The following TRRAP variants were observed in gnomAD, a reference collection of about 807,000 sequenced individuals.
TRRAP encodes transformation/transcription domain-associated protein.
TRRAP carries 41 observed loss-of-function variants against 438.8 expected under a neutral mutation model. That is an observed-to-expected ratio of 0.09 (90% confidence interval 0.07 to 0.12). The LOEUF (loss-of-function observed/expected upper bound fraction) is 0.12. Among genes scored for constraint, TRRAP ranks in the 10% least tolerant of loss-of-function variants. The probability of loss-of-function intolerance (pLI) is 1.00; values close to 1 mark genes in which losing one functional copy is unlikely to be tolerated. For missense variants in TRRAP, 3,122 were observed against 5,055.1 expected (o/e 0.62, Z 11.60); for synonymous variants, 1,994 against 1,962.9 (o/e 1.02, Z -0.42).
chr7:98,937,056 C>T, intron 28 of TRRAP, 100 bp from the exon 29 acceptor site: 1 of 1,390,306 alleles, frequency 7.2e-7, no homozygotes, highest in South Asian at 1.5e-5. Flanking sequence ...AGCAAGACAC[C>T]TTCTCTACCA....
chr7:98,892,563 G>A lies in TRRAP; in HGVS notation c.366+35G>A, dbSNP rs781864845. The A allele has an allele frequency of 3.7e-5, 55 of 1,491,240 alleles. No homozygotes were observed. The Middle Eastern group carries it at 9.6e-4, about 26-fold the overall frequency. The allele number at this position is 1,491,240 out of a possible 1,614,324, so 92.4% of individuals were successfully genotyped here. On this transcript the variant is annotated intron_variant, in intron 5 of 72. Transcript: ENST00000456197. ...GAGAATTAATTCTTGTCGTATAGCC[G>A]TATGTAAAACTTTCACTGATTTTTC... is the stretch of plus-strand genomic sequence containing the variant.
chr7:98,992,086 C>T, intron 64 of TRRAP, 51 bp from the exon 65 acceptor site: 1 of 1,580,612 alleles, frequency 6.3e-7, no homozygotes, highest in South Asian at 1.1e-5. Flanking sequence ...TTATCTTTAT[C>T]CAGAGCTCAG....
At chr7:98,935,416 G>C (rs1406234342) in intron 27 of TRRAP, among the ~76,000 whole-genome samples, 163 bp from the exon 28 acceptor site, 2 of 152,200 alleles carry the variant, frequency 1.3e-5, no homozygotes, top group Non-Finnish European at 2.9e-5. Context: ...CCTTAAAGAG[G>C]CTCAGTCATA....
rs1369356487 is a variant in TRRAP at position 98,925,039 on chromosome 7, T to C, written c.2824-73T>C. The C allele has an allele frequency of 3.9e-6, 6 of 1,531,052 alleles. No homozygotes were observed. The African/African-American group carries it at 4.2e-5, about 11-fold the overall frequency. The allele number at this position is 1,531,052 out of a possible 1,614,324, so 94.8% of individuals were successfully genotyped here. ...AAAAGATTCTTCTGGGTGCTGCAGA[T>C]GCTTTCAGTGAAAGCTTTTCACAAT... On this transcript the variant is annotated intron_variant, in intron 21 of 72. Transcript: ENST00000456197.
intron 59 of TRRAP, among the ~76,000 whole-genome samples, chr7:98,982,499 C>T (rs758326649): frequency 2.0e-5 from 3 of 152,172 alleles, no homozygotes; most frequent in Admixed American, 2.0e-4. Context: ...CCTGAGACAG[C>T]GGGCATAGCC....
chr7:98,930,713 G>A lies in TRRAP; in HGVS notation c.3474G>A (p.Leu1158=). ...CCYEQAWYAK[L]GGVVSIKFLM... is the part of the protein sequence containing the mutation. ...ATGAACAGGCGTGGTATGCAAAGCT[G>A]GGGGGTGTGGTGTCTATTAAGTTTC... The change falls in exon 25 of 73, where the codon CTG becomes CTA. Residue 1158 remains leucine (L), a synonymous_variant. Coordinates refer to ENST00000456197, the MANE Select transcript of TRRAP (RefSeq NM_001375524.1). 1 of 1,614,226 alleles carries A rather than the reference G, an allele frequency of 6.2e-7. No homozygotes were observed. Among genetic ancestry groups the A allele is most frequent in the Non-Finnish European group, 8.5e-7 (1 of 1,180,048 alleles).
intron 23 of TRRAP, 54 bp from the exon 24 acceptor site, chr7:98,929,934 TC>T: frequency 5.1e-6 from 8 of 1,568,676 alleles, no homozygotes; most frequent in Non-Finnish European, 7.0e-6. Context: ...ATTGGGGAGT[TC>T]TGCAGTTTGA....
At position 99,011,732 on chromosome 7, in the gene TRRAP, T is replaced by TGGAAC. The variant is rs954413301; in HGVS notation, c.11337+200_11337+204dup. Reference sequence around the variant, plus strand: ...TTGGTTCACTCTTGTCTGTAGTGCTTGGAACGGGCCTGCCTGACACTCGGC... The same window carrying TGGAAC: ...TTGGTTCACTCTTGTCTGTAGTGCTTGGAACGGAACGGGCCTGCCTGACACTCGGC... On this transcript the variant is annotated intron_variant, in intron 72 of 72. Coordinates refer to ENST00000456197, the MANE Select transcript of TRRAP (RefSeq NM_001375524.1). The surrounding 1 kb of genome is among the most constrained non-coding windows in gnomAD (Gnocchi z 7.1). 5.0e-4 allele frequency among the ~76,000 whole-genome samples: 76 copies of TGGAAC among 152,402 alleles called. No homozygotes were observed. Among genetic ancestry groups the TGGAAC allele is most frequent in the African/African-American group, 1.3e-3 (55 of 41,598 alleles).
chr7:98,912,252 G>T (rs1789306527), intron 18 of TRRAP, 39 bp downstream of exon 18: 9 of 1,591,832 alleles, frequency 5.7e-6, no homozygotes, highest in Non-Finnish European at 6.9e-6. Flanking sequence ...TCTGTTCAGG[G>T]TTTTTTATTG....
At chr7:99,009,315 T>G (rs1459311984) in intron 70 of TRRAP, among the ~76,000 whole-genome samples, 1 of 152,172 alleles carries the variant, frequency 6.6e-6, no homozygotes, top group East Asian at 1.9e-4. Flanking sequence ...AGGTGGATGC[T>G]GTGACCTTGT....
chr7:98,974,782 T>G (rs1307251066), intron 53 of TRRAP, among the ~76,000 whole-genome samples: 1 of 152,230 alleles, frequency 6.6e-6, no homozygotes, highest in Non-Finnish European at 1.5e-5. Context: ...CTTAGTCCAG[T>G]CAAGTTGATG....
rs1429662907 is a variant in TRRAP, at chr7:98,967,063, C to T, written c.7199C>T (p.Ser2400Phe). 2 of 1,613,858 alleles carry T rather than the reference C, an allele frequency of 1.2e-6. No homozygotes were observed. The highest frequency in any genetic ancestry group is 1.7e-6 in the Non-Finnish European group (2 of 1,179,902). ...CAGACACCTACACTCCGGGAGAAGT[C>T]CATTTTGCTTGTGAAGATGATGACT... Reference protein sequence around the residue: ...ANQTPTLREKSILLVKMMTYI... With the variant: ...ANQTPTLREKFILLVKMMTYI... Residue 2400 changes from serine to phenylalanine, a missense_variant, in exon 50 of 73, where the codon TCC (serine) becomes TTC (phenylalanine). By Grantham distance (155) the Ser-to-Phe change is radical. Coordinates refer to ENST00000456197, the MANE Select transcript of TRRAP (RefSeq NM_001375524.1).
At chr7:98,921,703 G>A (rs781896898) in intron 20 of TRRAP, 50 bp from the exon 21 acceptor site, 52 of 1,607,648 alleles carry the variant, frequency 3.2e-5, no homozygotes, top group Middle Eastern at 2.1e-4. Context: ...TCCGAACCTC[G>A]TGAAGGCATT....
chr7:98,895,720 G>T, intron 6 of TRRAP, 44 bp from the exon 7 acceptor site: 1 of 1,507,174 alleles, frequency 6.6e-7, no homozygotes, highest in Non-Finnish European at 9.0e-7. Context: ...GGTATTTTCT[G>T]TTTATGAATA....
intron 11 of TRRAP, among the ~76,000 whole-genome samples, chr7:98,901,002 G>A (rs1195530356): frequency 6.6e-6 from 1 of 152,208 alleles, no homozygotes; most frequent in Non-Finnish European, 1.5e-5. Context: ...CCAGTGTCTA[G>A]TCTCTGCAAC....
chr7:98,955,553 C>A (rs1199219436), intron 41 of TRRAP, among the ~76,000 whole-genome samples: 2 of 152,124 alleles, frequency 1.3e-5, no homozygotes, highest in Non-Finnish European at 2.9e-5. Flanking sequence ...GTACTGTGCC[C>A]AGTTAACCCT....
intron 30 of TRRAP, 134 bp downstream of exon 30, chr7:98,937,954 C>T (rs535568628): frequency 3.8e-4 from 380 of 1,001,582 alleles, no homozygotes; most frequent in South Asian, 7.0e-4. Flanking sequence ...GTGGGTGGAT[C>T]GCTTGCAGTT....
Position 98,931,597 on chromosome 7 carries a change from C to G in TRRAP, c.3784C>G (p.His1262Asp). 1 of 1,614,228 alleles carries G rather than the reference C, an allele frequency of 6.2e-7. No individual in the cohort carries two copies. Among genetic ancestry groups the G allele is most frequent in the Non-Finnish European group, 8.5e-7 (1 of 1,180,048 alleles). Residue 1262 changes from histidine (H) to aspartate (D), a missense_variant, in exon 26 of 73, where the codon CAT (histidine) becomes GAT (aspartate). His to Asp is a moderately conservative substitution (Grantham distance 81, BLOSUM62 -1). This residue lies in a region of TRRAP where 153 missense variants were observed against 223.0 expected (regional missense o/e 0.69). Transcript: ENST00000456197. ...PNSTVRKQAM[H>D]SLQVLAQVTG... ...CTCCACTGTGAGGAAGCAGGCCATG[C>G]ATTCGCTGCAGGTGTTGGCCCAGGT... is the stretch of plus-strand genomic sequence containing the variant.
chr7:98,924,971 C>T (rs1789978538), intron 21 of TRRAP, 141 bp from the exon 22 acceptor site: 3 of 1,195,774 alleles, frequency 2.5e-6, no homozygotes, highest in Non-Finnish European at 3.4e-6. Context: ...CGCCACTGCA[C>T]TCCAGCCCAG....
Sources: allele counts gnomAD v4.1 joint callset (sites outside exome capture counted in the v4.1 genomes callset), GRCh38; gene constraint gnomAD v4.1.1; regional missense constraint gnomAD v4.1.1; non-coding constraint Gnocchi (gnomAD v3.1); transcripts MANE v1.5; gene names NCBI Gene and HGNC (gene_info 2026-07-23, HGNC 2026-07-21).